The following ITSN1 variants were observed in gnomAD, a reference collection of about 807,000 sequenced individuals.
ITSN1 encodes intersectin 1.
In ITSN1, 58 loss-of-function variants were observed where a neutral mutation model predicts 239.8. The ratio of observed to expected loss-of-function variants is 0.24; its 90% CI spans 0.20 to 0.30. The LOEUF is 0.30. Among genes scored for constraint, ITSN1 ranks in the 10% least tolerant of loss-of-function variants. The pLI is 1.00. For missense variants in ITSN1, 1,558 were observed against 2,103.3 expected (o/e 0.74, Z 5.07); for synonymous variants, 780 against 770.8 (o/e 1.01, Z -0.20).
chr21:33,687,848 G>A (rs906502126), intron 1 of ITSN1, among the ~76,000 whole-genome samples: 1 of 152,120 alleles, frequency 6.6e-6, no homozygotes, highest in Non-Finnish European at 1.5e-5. Flanking sequence ...ATAAACATGC[G>A]AACCTTTGAT....
chr21:33,762,730 C>T (rs1189034543), intron 9 of ITSN1, among the ~76,000 whole-genome samples: 3 of 151,742 alleles, frequency 2.0e-5, no homozygotes, highest in Non-Finnish European at 4.4e-5. Context: ...GTGGTGCCAT[C>T]TTGGCTCACT....
intron 5 of ITSN1, among the ~76,000 whole-genome samples, chr21:33,741,515 A>T (rs1198252835): frequency 6.6e-6 from 1 of 150,844 alleles, no homozygotes; most frequent in African/African-American, 2.5e-5. Context: ...GATGACTATA[A>T]TTATAAACTT....
intron 16 of ITSN1, among the ~76,000 whole-genome samples, chr21:33,791,337 T>C (rs183585299): frequency 4.3e-4 from 65 of 152,322 alleles, no homozygotes; most frequent in African/African-American, 1.4e-3. Context: ...TGTTAGCTTA[T>C]TTGTCGTCTG....
intron 5 of ITSN1, among the ~76,000 whole-genome samples, chr21:33,745,150 G>A (rs963908472): frequency 1.3e-5 from 2 of 152,200 alleles, no homozygotes; most frequent in Admixed American, 6.5e-5. Flanking sequence ...TGTGTTTCCT[G>A]TAGTCTTGCC....
intron 4 of ITSN1, among the ~76,000 whole-genome samples, chr21:33,732,906 A>G (rs1426410435): frequency 1.3e-5 from 2 of 152,208 alleles, no homozygotes; most frequent in East Asian, 3.8e-4. Flanking sequence ...AAGTGATACA[A>G]TTTTATTAAA....
At chr21:33,743,192 G>C (rs76522643) in intron 5 of ITSN1, among the ~76,000 whole-genome samples, 1 of 152,230 alleles carries the variant, frequency 6.6e-6, no homozygotes, top group East Asian at 1.9e-4. Flanking sequence ...GAGGCTGGGC[G>C]CAGTGGCTCA....
intron 28 of ITSN1, 114 bp downstream of exon 28, chr21:33,834,538 T>A: frequency 2.7e-6 from 2 of 752,662 alleles, no homozygotes; most frequent in East Asian, 5.4e-5. Flanking sequence ...TTAAAGCACT[T>A]CCTGTACTTG....
chr21:33,672,354 G>A (rs1216202250), intron 1 of ITSN1, among the ~76,000 whole-genome samples: 2 of 152,096 alleles, frequency 1.3e-5, no homozygotes, highest in Non-Finnish European at 2.9e-5. Context: ...TGCAAACAAT[G>A]TATACTCATA....
In ITSN1 at chr21:33,837,689, G is replaced by A. The variant is rs186348981; in HGVS notation, c.3661+1057G>A. The A allele has an allele frequency of 6.4e-5, 63 of 985,840 alleles. No homozygotes were observed. The East Asian group carries it at 4.6e-3, about 73-fold the overall frequency. 61.1% of individuals were successfully genotyped at this position (985,840 alleles called of 1,614,324 possible). A position where few individuals can be genotyped will look rare whatever the true frequency, so the allele number is the denominator to read the frequency against. On this transcript the variant is annotated intron_variant, in intron 29 of 39. Coordinates refer to ENST00000381318, the MANE Select transcript of ITSN1 (RefSeq NM_003024.3). Reference sequence around the variant, plus strand: ...ACATAAGAAATTAGTTCTTTCCATGGCAAAGCTATTACCTTGTACGATGCT... The same window carrying A: ...ACATAAGAAATTAGTTCTTTCCATGACAAAGCTATTACCTTGTACGATGCT...
intron 29 of ITSN1, among the ~76,000 whole-genome samples, chr21:33,844,133 G>A (rs1327752183): frequency 2.6e-5 from 4 of 152,170 alleles, no homozygotes; most frequent in South Asian, 2.1e-4. Context: ...ATCCGTGCAC[G>A]AACCCTGGCC....
intron 29 of ITSN1, among the ~76,000 whole-genome samples, chr21:33,838,724 T>A (rs2074720350): frequency 2.0e-5 from 3 of 151,380 alleles, no homozygotes; most frequent in African/African-American, 2.5e-5. Flanking sequence ...TTCCTTATAA[T>A]ACCAGTTTCG....
rs1271676725 is a variant in ITSN1 at position 33,835,836 on chromosome 21, TAGG to T, written c.3470-602_3470-600del. Reference sequence around the variant, plus strand: ...ATCCCAGCTACTCAAGAGGCTGAGGTAGGAGAATCGGTTGAACCCTGGAGGTGG... The same window carrying T: ...ATCCCAGCTACTCAAGAGGCTGAGGTAGAATCGGTTGAACCCTGGAGGTGG... On this transcript the variant is annotated intron_variant, in intron 28 of 39. Transcript: ENST00000381318. Among the ~76,000 whole-genome samples, 16 of 152,194 alleles carry T rather than the reference TAGG, an allele frequency of 1.1e-4. No homozygotes were observed. The East Asian group carries it at 3.1e-3, about 29-fold the overall frequency.
At chr21:33,878,141 C>T (rs1471926747) in intron 34 of ITSN1, among the ~76,000 whole-genome samples, 1 of 151,778 alleles carries the variant, frequency 6.6e-6, no homozygotes, top group African/African-American at 2.4e-5. Flanking sequence ...AGTGATTCTC[C>T]CATCTCAGCT....
At chr21:33,736,053 T>G (rs1250313648) in intron 5 of ITSN1, among the ~76,000 whole-genome samples, 1 of 152,232 alleles carries the variant, frequency 6.6e-6, no homozygotes, top group African/African-American at 2.4e-5. Flanking sequence ...TCTTATAAGC[T>G]AATTGATTAA....
At chr21:33,704,911 A>AC (rs1452686357) in intron 1 of ITSN1, among the ~76,000 whole-genome samples, 1 of 139,676 alleles carries the variant, frequency 7.2e-6, no homozygotes, top group African/African-American at 2.7e-5. Flanking sequence ...ACATGGAGAA[A>AC]CCCATCTCTA....
chr21:33,761,036 C>CTTT (rs765976928), intron 8 of ITSN1, among the ~76,000 whole-genome samples: 3 of 134,038 alleles, frequency 2.2e-5, no homozygotes, highest in Non-Finnish European at 1.6e-5. Flanking sequence ...AGGAATTCTT[C>CTTT]TTTTTTTTTT....
intron 1 of ITSN1, among the ~76,000 whole-genome samples, chr21:33,693,867 A>G (rs2091671227): frequency 6.6e-6 from 1 of 152,258 alleles, no homozygotes; most frequent in Non-Finnish European, 1.5e-5. Context: ...ACTGTATCAT[A>G]GTAAAAGTTT....
intron 29 of ITSN1, among the ~76,000 whole-genome samples, chr21:33,848,814 T>G (rs1810870197): frequency 6.6e-6 from 1 of 152,198 alleles, no homozygotes; most frequent in Non-Finnish European, 1.5e-5. Flanking sequence ...TCTTCCTCCC[T>G]CCATTTGAAT....
intron 5 of ITSN1, among the ~76,000 whole-genome samples, chr21:33,744,173 CAAA>C (rs2067041096): frequency 6.6e-6 from 1 of 151,846 alleles, no homozygotes. Context: ...GGACTGCATG[CAAA>C]AAAATAATTT....
Sources: allele counts gnomAD v4.1 joint callset (sites outside exome capture counted in the v4.1 genomes callset), GRCh38; gene constraint gnomAD v4.1.1; transcripts MANE v1.5; gene names NCBI Gene and HGNC (gene_info 2026-07-23, HGNC 2026-07-21).